NINL: variants seen among roughly 807,000 people sequenced by gnomAD.
NINL encodes the protein ninein-like protein.
A neutral mutation model predicts 160.3 loss-of-function variants in NINL; 153 were observed. The observed-to-expected ratio is 0.95, with a 90% CI of 0.84 to 1.09. NINL has a LOEUF of 1.09. NINL is among the 50% of genes least tolerant of loss of function. The pLI is 0.00. For synonymous variants in NINL, 800 were observed against 734.8 expected (o/e 1.09, Z -1.43); for missense variants, 1,829 against 1,764.0 (o/e 1.04, Z -0.66).
At chr20:25,491,607 C>T in intron 10 of NINL, 82 bp from the exon 11 acceptor site, 1 of 1,518,832 alleles carries the variant, frequency 6.6e-7, no homozygotes, top group Non-Finnish European at 9.0e-7. Context: ...TAGCCTCCTC[C>T]CTCTTAGAAA....
chr20:25,540,814 G>C (rs2064650870), intron 1 of NINL, among the ~76,000 whole-genome samples: 1 of 152,116 alleles, frequency 6.6e-6, no homozygotes, highest in African/African-American at 2.4e-5. Context: ...TGAGCTATTA[G>C]GATTAACTTC....
At chr20:25,547,011 C>G (rs561383471) in intron 1 of NINL, among the ~76,000 whole-genome samples, 47 of 152,296 alleles carry the variant, frequency 3.1e-4, no homozygotes, top group Admixed American at 3.1e-3. Context: ...TCATATAGAA[C>G]CAGGGCCACC....
chr20:25,462,709 C>T (rs1170828471), intron 19 of NINL, 168 bp from the exon 20 acceptor site: 21 of 593,416 alleles, frequency 3.5e-5, no homozygotes, highest in East Asian at 9.8e-5. Context: ...GGCTGGAGTG[C>T]GGTGGCACAT....
chr20:25,520,719 G>A (rs898402702), intron 2 of NINL, among the ~76,000 whole-genome samples: 11 of 152,118 alleles, frequency 7.2e-5, no homozygotes, highest in African/African-American at 1.7e-4. Context: ...TCTTTCCACC[G>A]TCTTCTGACT....
intron 1 of NINL, among the ~76,000 whole-genome samples, chr20:25,583,949 A>T (rs1420889392): frequency 6.6e-6 from 1 of 152,114 alleles, no homozygotes; most frequent in Non-Finnish European, 1.5e-5. Context: ...CAGGGAGGGG[A>T]ACATCACACA....
chr20:25,520,706 A>G (rs143247177), intron 2 of NINL, among the ~76,000 whole-genome samples: 1,620 of 152,314 alleles, frequency 0.011, 75 homozygotes, highest in Admixed American at 0.077. Flanking sequence ...CATATTGAAG[A>G]TATCTTTCCA....
intron 1 of NINL, among the ~76,000 whole-genome samples, chr20:25,564,819 A>G (rs2064982708): frequency 6.6e-6 from 1 of 151,152 alleles, no homozygotes; most frequent in African/African-American, 2.4e-5. Context: ...AAAAAAAAAA[A>G]GCTGAATAAA....
At chr20:25,483,627 G>A (rs183869316) in intron 13 of NINL, among the ~76,000 whole-genome samples, 165 of 152,380 alleles carry the variant, frequency 1.1e-3, no homozygotes, top group African/African-American at 3.9e-3. Context: ...CCGCGTGGGC[G>A]GCGGGAAGGC....
At chr20:25,460,969 A>G (rs2062770877) in intron 21 of NINL, among the ~76,000 whole-genome samples, 1 of 152,022 alleles carries the variant, frequency 6.6e-6, no homozygotes, top group South Asian at 2.1e-4. Flanking sequence ...CCCCTCCACA[A>G]GCATCCCCTG....
chr20:25,502,122 C>T, intron 7 of NINL, among the ~76,000 whole-genome samples: 1 of 152,182 alleles, frequency 6.6e-6, no homozygotes. Context: ...GCTGGGATTA[C>T]ACATGTGTAC....
intron 18 of NINL, among the ~76,000 whole-genome samples, chr20:25,469,530 C>G (rs1486159468): frequency 1.3e-5 from 2 of 151,812 alleles, no homozygotes; most frequent in Admixed American, 6.6e-5. Context: ...CCATCCCCTC[C>G]CCCAGCTCTT....
Position 25,480,231 on chromosome 20 carries a change from A to T in NINL, c.1847T>A (p.Ile616Lys), listed in dbSNP as rs2063358398. Residue 616 changes from isoleucine to lysine, a missense_variant, in exon 15 of 24, where the codon ATA becomes AAA. Ile to Lys is a moderately radical substitution (Grantham distance 102). Transcript: ENST00000278886. ...CTGCTCCATCATCAGCTCCGTTTCT[A>T]TACTCACTGGAGCAGAATTACCCAG... ...SFLGNSAPVS[I>K]ETELMMEQVK... 1 of 1,613,982 alleles carries T rather than the reference A, an allele frequency of 6.2e-7. No individual in the cohort carries two copies. The highest frequency in any genetic ancestry group is 2.2e-5 in the East Asian group (1 of 44,870).
At chr20:25,455,225 A>G (rs2090637318) in intron 23 of NINL, among the ~76,000 whole-genome samples, 1 of 152,146 alleles carries the variant, frequency 6.6e-6, no homozygotes, top group Non-Finnish European at 1.5e-5. Flanking sequence ...TGGCTCTTCA[A>G]AGTGGCCTTG....
intron 10 of NINL, among the ~76,000 whole-genome samples, chr20:25,492,169 C>T (rs2063655190): frequency 6.6e-6 from 1 of 152,042 alleles, no homozygotes; most frequent in Non-Finnish European, 1.5e-5. Flanking sequence ...TAACCAAGTC[C>T]GAGACACCTA....
At chr20:25,489,351 C>T (rs758934175) in intron 12 of NINL, 27 bp from the exon 13 acceptor site, 41 of 1,608,628 alleles carry the variant, frequency 2.5e-5, no homozygotes, top group South Asian at 8.8e-5. Context: ...AAGGAAGTCA[C>T]GGGTGGGCCT....
rs2090567749 is a variant in NINL at position 25,452,897 on chromosome 20, C to T, written c.*554G>A. ...ATTGTGCATTTGCAATAAACACCAT[C>T]ATTCCTGAGTCCACAGATAAGGTCC... On this transcript the variant is annotated 3_prime_UTR_variant, in exon 24 of 24. Coordinates refer to ENST00000278886, the MANE Select transcript of NINL (RefSeq NM_025176.6). The T allele has an allele frequency of 6.6e-6, 1 of 152,040 alleles. No homozygotes were observed. Among genetic ancestry groups the T allele is most frequent in the Non-Finnish European group, 1.5e-5 (1 of 67,986 alleles). The allele number at this position is 152,040 out of a possible 1,614,324, so 9.4% of individuals were successfully genotyped here.
intron 1 of NINL, among the ~76,000 whole-genome samples, chr20:25,551,850 A>C (rs950765157): frequency 3.9e-5 from 6 of 152,202 alleles, no homozygotes; most frequent in African/African-American, 1.4e-4. Context: ...AACAGGATTC[A>C]GTTTGAGGAG....
intron 13 of NINL, among the ~76,000 whole-genome samples, chr20:25,482,541 G>A (rs1310297780): frequency 6.6e-6 from 1 of 151,678 alleles, no homozygotes; most frequent in Non-Finnish European, 1.5e-5. Context: ...AGTAGAGATG[G>A]GGTTTCACCA....
At chr20:25,577,588 C>T (rs371482143) in intron 1 of NINL, among the ~76,000 whole-genome samples, 1 of 152,188 alleles carries the variant, frequency 6.6e-6, no homozygotes, top group Admixed American at 6.5e-5. Context: ...GCCCTTGAAA[C>T]GAAAACTCCA....
Sources: gnomAD v4.1 joint callset for allele counts (sites outside exome capture counted in the v4.1 genomes callset) on GRCh38, gnomAD v4.1.1 for gene constraint, MANE v1.5 for transcripts, NCBI Gene and HGNC (gene_info 2026-07-23, HGNC 2026-07-21) for gene names.